Variants in BRD10 observed in about 807,000 individuals in gnomAD.
BRD10 encodes uncharacterized bromodomain-containing protein 10.
At chr9:5,957,616 T>C in the BRD10 span, among the ~76,000 whole-genome samples, 1 of 152,154 alleles carries the variant, frequency 6.6e-6, no homozygotes, top group Non-Finnish European at 1.5e-5. Context: ...CTGCATTCTT[T>C]CAAATTTTTG....
chr9:5,959,912 C>T, the BRD10 span, among the ~76,000 whole-genome samples: 2 of 152,198 alleles, frequency 1.3e-5, no homozygotes, highest in African/African-American at 4.8e-5. Context: ...CGAACAGCTT[C>T]TAAAACCTCA....
the BRD10 span, among the ~76,000 whole-genome samples, chr9:5,966,453 T>C: frequency 3.9e-5 from 4 of 101,546 alleles, no homozygotes; most frequent in Non-Finnish European, 7.7e-5. Flanking sequence ...GACTAACATT[T>C]CCTTTTTTTT....
the BRD10 span, among the ~76,000 whole-genome samples, chr9:5,982,399 G>A: frequency 6.6e-6 from 1 of 152,160 alleles, no homozygotes; most frequent in East Asian, 1.9e-4. Flanking sequence ...AACTCGTGTT[G>A]AAATTTAATC....
chr9:5,898,113 G>A, the BRD10 span: 2 of 159,610 alleles, frequency 1.3e-5, no homozygotes, highest in Non-Finnish European at 2.8e-5. Flanking sequence ...TGGTGAACAT[G>A]AGTCACTGTA....
the BRD10 span, among the ~76,000 whole-genome samples, chr9:5,889,036 C>A: frequency 6.6e-6 from 1 of 152,192 alleles, no homozygotes; most frequent in African/African-American, 2.4e-5. Context: ...AGGTCATGGT[C>A]ACTGTTTGGT....
At chr9:5,923,016 C>G in the BRD10 span, 21 of 1,613,844 alleles carry the variant, frequency 1.3e-5, no homozygotes, top group East Asian at 4.5e-4. Context: ...GACACTGGTA[C>G]TGAATCCAAT....
At chr9:6,006,290 G>C in the BRD10 span, among the ~76,000 whole-genome samples, 1 of 152,160 alleles carries the variant, frequency 6.6e-6, no homozygotes, top group Admixed American at 6.5e-5. Flanking sequence ...TGAGGAAACT[G>C]AGGCCAAAAA....
chr9:5,881,141 AC>A, the BRD10 span, among the ~76,000 whole-genome samples: 3 of 151,956 alleles, frequency 2.0e-5, no homozygotes, highest in African/African-American at 7.3e-5. Context: ...CACCCCTGAC[AC>A]CCTTTTCAAC....
chr9:5,987,509 GA>G, the BRD10 span, among the ~76,000 whole-genome samples: 14 of 147,656 alleles, frequency 9.5e-5, no homozygotes, highest in South Asian at 8.6e-4. Context: ...TCTGCACAAG[GA>G]AAAAAAAAAT....
At chr9:5,959,607 A>C in the BRD10 span, among the ~76,000 whole-genome samples, 4 of 152,298 alleles carry the variant, frequency 2.6e-5, no homozygotes, top group African/African-American at 9.6e-5. Flanking sequence ...ATATTTTGAA[A>C]TCTTCAGCTG....
At chr9:5,989,501 C>A in the BRD10 span, among the ~76,000 whole-genome samples, 1 of 149,720 alleles carries the variant, frequency 6.7e-6, no homozygotes, top group Non-Finnish European at 1.5e-5. Flanking sequence ...TTCCTACAGG[C>A]TTTAACATAA....
chr9:5,879,194 G>A, the BRD10 span, among the ~76,000 whole-genome samples: 6 of 152,146 alleles, frequency 3.9e-5, no homozygotes, highest in African/African-American at 1.4e-4. Context: ...TGGGTGCGGT[G>A]GCTCACACCT....
the BRD10 span, chr9:5,988,518 T>C: frequency 1.9e-6 from 3 of 1,613,754 alleles, no homozygotes; most frequent in African/African-American, 2.7e-5. Flanking sequence ...TAGATGTAAC[T>C]GCTATCGTTG....
the BRD10 span, among the ~76,000 whole-genome samples, chr9:5,894,218 A>G: frequency 6.6e-6 from 1 of 152,166 alleles, no homozygotes; most frequent in African/African-American, 2.4e-5. This position sits in a 1 kb window ranked among gnomAD's most constrained non-coding sequence, Gnocchi z 4.0. Flanking sequence ...TAGGGCCATC[A>G]TGCCCAGCTG....
the BRD10 span, chr9:5,921,373 C>T: frequency 6.2e-7 from 1 of 1,613,902 alleles, no homozygotes. Context: ...GCTCTGGAGT[C>T]TTAACATATG....
At chr9:5,973,518 A>G in the BRD10 span, among the ~76,000 whole-genome samples, 1 of 152,214 alleles carries the variant, frequency 6.6e-6, no homozygotes, top group South Asian at 2.1e-4. Flanking sequence ...AGTAATAGCA[A>G]ATAAGCTGGG....
At chr9:5,952,794 T>C in the BRD10 span, among the ~76,000 whole-genome samples, 4 of 152,286 alleles carry the variant, frequency 2.6e-5, no homozygotes, top group African/African-American at 9.6e-5. Flanking sequence ...GTGACAGCAG[T>C]GGACGCGTGA....
chr9:6,008,186 G>A, the BRD10 span: 1 of 975,320 alleles, frequency 1.0e-6, no homozygotes, highest in East Asian at 1.2e-4. Context: ...GAGGGGGCGA[G>A]GAGGAAGGGG....
At chr9:5,950,679 T>C in the BRD10 span, among the ~76,000 whole-genome samples, 2 of 152,186 alleles carry the variant, frequency 1.3e-5, no homozygotes, top group African/African-American at 4.8e-5. Flanking sequence ...TGGCACACAT[T>C]TGGTTAGACC....
Sources: allele counts gnomAD v4.1 joint callset (sites outside exome capture counted in the v4.1 genomes callset), GRCh38; gene constraint gnomAD v4.1.1; non-coding constraint Gnocchi (gnomAD v3.1); transcripts MANE v1.5; gene names NCBI Gene and HGNC (gene_info 2026-07-23, HGNC 2026-07-21).